Variants in BSND observed in about 807,000 individuals in gnomAD.
The protein encoded by BSND is barttin CLCNK type accessory subunit beta.
BSND carries 13 observed loss-of-function variants against 18.8 expected under a neutral mutation model. The observed-to-expected ratio is 0.69, with a 90% CI of 0.45 to 1.10. The LOEUF is 1.10. Ranked by LOEUF, BSND falls within the 50% of genes least tolerant of loss-of-function variation. The pLI, the probability that BSND is intolerant of heterozygous loss-of-function variation, is 0.00. For missense variants in BSND, 379 were observed against 416.7 expected, an observed-to-expected ratio of 0.91 and a Z score of 0.79; for synonymous variants, 170 against 161.8, an observed-to-expected ratio of 1.05 and a Z score of -0.39.
At chr1:55,007,354 G>A (rs779959793) in intron 3 of BSND, 82 bp downstream of exon 3, 14 of 1,397,418 alleles carry the variant, frequency 1.0e-5, no homozygotes, top group South Asian at 1.0e-4. Context: ...GCCGAGGGGT[G>A]GGTGGGGACA....
intron 1 of BSND, among the ~76,000 whole-genome samples, chr1:55,002,571 C>T (rs1329104640): frequency 6.6e-6 from 1 of 152,202 alleles, no homozygotes; most frequent in Non-Finnish European, 1.5e-5. Context: ...CTCCCCATTG[C>T]ATCTGGAGAA....
At position 55,005,154 on chromosome 1, in the gene BSND, C is replaced by T. The variant is rs185732878; in HGVS notation, c.272+38C>T. ...CCCTCTCGGGAGGGGAGGAGTAAGCCCCATAGGCCAGTCTCCCCTGACTGA... is the reference window on the plus strand; with the variant it reads ...CCCTCTCGGGAGGGGAGGAGTAAGCTCCATAGGCCAGTCTCCCCTGACTGA... On this transcript the variant is annotated intron_variant, in intron 2 of 3. Coordinates refer to ENST00000651561, the MANE Select transcript of BSND (RefSeq NM_057176.3). 1.7e-4 allele frequency: 273 copies of T among 1,590,168 alleles called. 1 individual carries two copies. In the East Asian group the frequency reaches 5.6e-3, roughly 33 times the overall value.
Position 55,006,890 on chromosome 1 carries a change from T to C in BSND, c.273-107T>C, listed in dbSNP as rs995552325. 48 of 1,532,336 alleles carry C rather than the reference T, an allele frequency of 3.1e-5. 2 individuals are homozygous for C. In the East Asian group the frequency reaches 1.0e-3, roughly 33 times the overall value. The allele number at this position is 1,532,336 out of a possible 1,614,324, so 94.9% of individuals were successfully genotyped here. ...CGCAGTAACATCCCCCAAAGGCTTC[T>C]TGTGAGGTGAGGGGAGACCACATAC... On this transcript the variant is annotated intron_variant, in intron 2 of 3. Coordinates refer to ENST00000651561, the MANE Select transcript of BSND (RefSeq NM_057176.3).
chr1:54,999,082 ATTTC>A lies in BSND; in HGVS notation c.-104_-101del. On this transcript the variant is annotated 5_prime_UTR_variant, in exon 1 of 4. Transcript: ENST00000651561. ...TCCCTTGAAGCCTTGAGTTGCAGCG[ATTTC>A]AGTGTCTTCTCTCCCTGTGTAAGCC... 1.4e-6 allele frequency: 2 copies of A among 1,415,694 alleles called. No homozygotes were observed. Among genetic ancestry groups the A allele is most frequent in the Non-Finnish European group, 2.0e-6 (2 of 1,017,630 alleles). 87.7% of individuals were successfully genotyped at this position (1,415,694 alleles called of 1,614,324 possible). A position where few individuals can be genotyped will look rare whatever the true frequency, so the allele number is the denominator to read the frequency against.
At chr1:55,006,875 T>G in intron 2 of BSND, 122 bp from the exon 3 acceptor site, 1 of 1,428,666 alleles carries the variant, frequency 7.0e-7, no homozygotes, top group South Asian at 1.2e-5. Flanking sequence ...CGCAGTAACA[T>G]CCCCCAAAGG....
intron 2 of BSND, among the ~76,000 whole-genome samples, chr1:55,005,524 C>T (rs1192942149): frequency 6.6e-6 from 1 of 152,248 alleles, no homozygotes; most frequent in East Asian, 1.9e-4. Context: ...CGCTGCCTGA[C>T]TTCCAGCAAG....
Position 55,013,140 on chromosome 1 carries a change from A to G in BSND, c.*4512A>G, listed in dbSNP as rs972730351. 6.6e-6 allele frequency among the ~76,000 whole-genome samples: 1 copy of G among 152,002 alleles called. No individual in the cohort carries two copies. The highest frequency in any genetic ancestry group is 1.5e-5 in the Non-Finnish European group (1 of 68,018). ...TCCTCGCAGCTTGCAAGGTTGGTGT[A>G]TTGTCCCCATTTTATTTTTATGTAT... On this transcript the variant is annotated 3_prime_UTR_variant, in exon 4 of 4. Transcript: ENST00000651561.
Position 54,998,988 on chromosome 1 carries a change from C to G in BSND, c.-199C>G. 2 of 625,496 alleles carry G rather than the reference C, an allele frequency of 3.2e-6. No homozygotes were observed. The highest frequency in any genetic ancestry group is 2.9e-5 in the Admixed American group (1 of 34,150). 38.7% of individuals were successfully genotyped at this position (625,496 alleles called of 1,614,324 possible). A position where few individuals can be genotyped will look rare whatever the true frequency, so the allele number is the denominator to read the frequency against. ...GTGGCTGGGTGTGGGTCCGTTGAAGCGAGCCGCCTCCAGCCCTGTTGAACT... is the reference window on the plus strand; with the variant it reads ...GTGGCTGGGTGTGGGTCCGTTGAAGGGAGCCGCCTCCAGCCCTGTTGAACT... On this transcript the variant is annotated 5_prime_UTR_variant, in exon 1 of 4. Transcript: ENST00000651561.
intron 2 of BSND, among the ~76,000 whole-genome samples, 183 bp downstream of exon 2, chr1:55,005,299 A>G (rs989035258): frequency 6.6e-6 from 1 of 152,246 alleles, no homozygotes; most frequent in African/African-American, 2.4e-5. Context: ...TTCCCATTGT[A>G]CAGATGAGGA....
Position 55,009,442 on chromosome 1 carries a change from C to T in BSND, c.*814C>T, listed in dbSNP as rs1455178865. On this transcript the variant is annotated 3_prime_UTR_variant, in exon 4 of 4. Transcript: ENST00000651561. ...AGGGCAGCATCTTGACTTTACTCAC[C>T]TTGAGATCGCCTGTGCCCAGATGGG... 6.6e-6 allele frequency: 1 copy of T among 152,420 alleles called. No individual in the cohort carries two copies. Among genetic ancestry groups the T allele is most frequent in the Admixed American group, 6.5e-5 (1 of 15,292 alleles). 9.4% of individuals were successfully genotyped at this position (152,420 alleles called of 1,614,324 possible). A position where few individuals can be genotyped will look rare whatever the true frequency, so the allele number is the denominator to read the frequency against.
At chr1:55,005,795 T>C (rs9662946) in intron 2 of BSND, among the ~76,000 whole-genome samples, 8,563 of 152,236 alleles carry the variant, frequency 0.056, 621 homozygotes, top group African/African-American at 0.17. Flanking sequence ...GCTAGGAAGA[T>C]TGAGGCTCAG....
intron 1 of BSND, among the ~76,000 whole-genome samples, chr1:55,002,250 G>C (rs904587826): frequency 2.0e-5 from 3 of 152,216 alleles, no homozygotes; most frequent in East Asian, 1.9e-4. Flanking sequence ...AAGTAGACCT[G>C]GTCAGATTTG....
chr1:55,008,278 T>G lies in BSND; in HGVS notation c.613T>G (p.Ser205Ala). 6.2e-7 allele frequency: 1 copy of G among 1,614,172 alleles called. No individual in the cohort carries two copies. Among genetic ancestry groups the G allele is most frequent in the African/African-American group, 1.3e-5 (1 of 75,048 alleles). Residue 205 changes from serine to alanine, a missense_variant, in exon 4 of 4, where the codon TCC becomes GCC. Transcript: ENST00000651561. ...CTTCCAAGATGACCTGGACATGGAC[T>G]CCAGTGAAGGCAGCAGCCCCAATGC... is the stretch of plus-strand genomic sequence containing the variant. Reference protein sequence around the residue: ...ASFQDDLDMDSSEGSSPNASP... With the variant: ...ASFQDDLDMDASEGSSPNASP...
intron 2 of BSND, 89 bp downstream of exon 2, chr1:55,005,205 G>C: frequency 1.6e-6 from 2 of 1,216,506 alleles, no homozygotes; most frequent in Non-Finnish European, 2.4e-6. Context: ...GGGCAGGAAG[G>C]CTGTTTGCCT....
chr1:55,008,845 G>A lies in BSND; in HGVS notation c.*217G>A, dbSNP rs1644406254. On this transcript the variant is annotated 3_prime_UTR_variant, in exon 4 of 4. Transcript: ENST00000651561. ...TAGTGGTCTTTGGCCAACCTTTGAA[G>A]GCAAAATATGATTTGTTGAGGTTTG... 2.9e-6 allele frequency: 2 copies of A among 687,074 alleles called. No homozygotes were observed. Among genetic ancestry groups the A allele is most frequent in the Admixed American group, 2.7e-5 (1 of 36,826 alleles). The allele number at this position is 687,074 out of a possible 1,614,324, so 42.6% of individuals were successfully genotyped here. A position where few individuals can be genotyped will look rare whatever the true frequency, so the allele number is the denominator to read the frequency against.
Position 55,009,553 on chromosome 1 carries a change from TC to T in BSND, c.*930del, listed in dbSNP as rs1393965552. The T allele has an allele frequency of 6.6e-6, 1 of 152,054 alleles. No individual in the cohort carries two copies. The highest frequency in any genetic ancestry group is 1.9e-4 in the East Asian group (1 of 5,184). 9.4% of individuals were successfully genotyped at this position (152,054 alleles called of 1,614,324 possible). ...GAACCTGTTGCAGATAAAATCACTC[TC>T]CCCCACGTTCCCAACTTTTAGACTC... On this transcript the variant is annotated 3_prime_UTR_variant, in exon 4 of 4. Transcript: ENST00000651561.
intron 2 of BSND, among the ~76,000 whole-genome samples, chr1:55,006,441 C>A (rs572771310): frequency 6.6e-6 from 1 of 152,094 alleles, no homozygotes; most frequent in Non-Finnish European, 1.5e-5. Flanking sequence ...CCATGTCACC[C>A]GGGTACAAGT....
At position 54,999,316 on chromosome 1, in the gene BSND, A is replaced by G; in HGVS notation, c.130A>G (p.Met44Val). ...YGTFYAMGSV[M>V]VIGGIIWSMC... is the part of the protein sequence containing the mutation. The stretch of plus-strand genomic sequence containing the variant: ...CACCTTCTATGCCATGGGCAGCGTC[A>G]TGGTGATCGGGGGCATCATCTGGAG... The change falls in exon 1 of 4, where the codon ATG becomes GTG. Residue 44 changes from methionine to valine, a missense_variant. Transcript: ENST00000651561. 3.7e-6 allele frequency: 6 copies of G among 1,613,514 alleles called. No homozygotes were observed. Among genetic ancestry groups the G allele is most frequent in the Non-Finnish European group, 5.1e-6 (6 of 1,179,586 alleles).
chr1:55,008,619 C>T lies in BSND; in HGVS notation c.954C>T (p.Thr318=), dbSNP rs1465898695. 3 of 1,614,006 alleles carry T rather than the reference C, an allele frequency of 1.9e-6. No individual in the cohort carries two copies. Among genetic ancestry groups the T allele is most frequent in the Non-Finnish European group, 2.5e-6 (3 of 1,180,046 alleles). ...PDKELGFEPD[T]QG is the part of the protein sequence containing the mutation. ...AGGAGCTGGGTTTTGAGCCTGACAC[C>T]CAAGGCTGAGATGTTTGTGCTCCGT... The change falls in exon 4 of 4, where the codon ACC becomes ACT. Residue 318 remains threonine (T), a synonymous_variant. Transcript: ENST00000651561.
Sources: allele counts gnomAD v4.1 joint callset (sites outside exome capture counted in the v4.1 genomes callset), GRCh38; gene constraint gnomAD v4.1.1; transcripts MANE v1.5; gene names NCBI Gene and HGNC (gene_info 2026-07-23, HGNC 2026-07-21).